The following MIA2 variants were observed in gnomAD, a reference collection of about 807,000 sequenced individuals.
The protein encoded by MIA2 is MIA SH3 domain ER export factor 2, also known as melanoma inhibitory activity protein 2.
In MIA2, 127 loss-of-function variants were observed where a neutral mutation model predicts 167.8. The ratio of observed to expected loss-of-function variants is 0.76; its 90% CI spans 0.66 to 0.88. MIA2 has a LOEUF of 0.88. MIA2 is among the 40% of genes least tolerant of loss of function. The pLI, the probability that MIA2 is intolerant of heterozygous loss-of-function variation, is 0.00. For synonymous variants in MIA2, 552 were observed against 541.9 expected, an observed-to-expected ratio of 1.02 and a Z score of -0.26; for missense variants, 1,690 against 1,624.7, an observed-to-expected ratio of 1.04 and a Z score of -0.69.
intron 21 of MIA2, among the ~76,000 whole-genome samples, chr14:39,316,424 CAT>C (rs2065455087): frequency 1.3e-5 from 2 of 152,172 alleles, no homozygotes; most frequent in African/African-American, 4.8e-5. Context: ...CATCACCTAT[CAT>C]CAGTTTTCTT....
At chr14:39,243,238 G>A (rs1221995273) in intron 3 of MIA2, among the ~76,000 whole-genome samples, 1 of 152,188 alleles carries the variant, frequency 6.6e-6, no homozygotes, top group African/African-American at 2.4e-5. Context: ...GAGCTCTGGA[G>A]CTGCAATGGC....
In MIA2 at chr14:39,238,811, A is replaced by AAAAAAAAAAAAAAAC; in HGVS notation, c.250-1750_250-1749insAAAAAAAAAAAAAAC. The stretch of plus-strand genomic sequence containing the variant: ...CCTGTCTCAAAAAAAAAAAAAAAAA[A>AAAAAAAAAAAAAAAC]CCCAAAAAACAAAAAAACCTAGCTG... On this transcript the variant is annotated intron_variant, in intron 2 of 28. Transcript: ENST00000640607. 3.1e-3 allele frequency among the ~76,000 whole-genome samples: 318 copies of AAAAAAAAAAAAAAAC among 103,562 alleles called. 21 individuals are homozygous for AAAAAAAAAAAAAAAC. Among genetic ancestry groups the AAAAAAAAAAAAAAAC allele is most frequent in the African/African-American group, 7.6e-3 (194 of 25,528 alleles). The allele number at this position is 103,562 out of a possible 152,430, so 67.9% of individuals were successfully genotyped here.
At chr14:39,347,688 T>C in intron 26 of MIA2, 25 bp from the exon 27 acceptor site, 2 of 1,609,330 alleles carry the variant, frequency 1.2e-6, no homozygotes, top group South Asian at 1.1e-5. Context: ...TCATGTACTT[T>C]TCATGGTTTA....
At chr14:39,239,460 C>G in intron 2 of MIA2, among the ~76,000 whole-genome samples, 1 of 152,050 alleles carries the variant, frequency 6.6e-6, no homozygotes, top group Non-Finnish European at 1.5e-5. Context: ...GAGGCAGAGG[C>G]AGGAGGACAG....
chr14:39,262,923 G>A (rs915669504), intron 6 of MIA2, among the ~76,000 whole-genome samples: 16 of 151,638 alleles, frequency 1.1e-4, no homozygotes, highest in East Asian at 1.9e-4. Context: ...GGGCTGAGAT[G>A]ATGGGGTTTT....
In MIA2 at chr14:39,276,921, C is replaced by T. The variant is rs2058082204; in HGVS notation, c.1888-13C>T. 1 of 1,604,838 alleles carries T rather than the reference C, an allele frequency of 6.2e-7. No homozygotes were observed. Among genetic ancestry groups the T allele is most frequent in the Admixed American group, 1.8e-5 (1 of 56,732 alleles). On this transcript the variant is annotated splice_polypyrimidine_tract_variant and intron_variant, in intron 6 of 28. Transcript: ENST00000640607. Reference sequence around the variant, plus strand: ...AGTACATTTTTAAGAACTTACTTTTCTTTATCTTGAAGGTTGTGGCAGCAC... The same window carrying T: ...AGTACATTTTTAAGAACTTACTTTTTTTTATCTTGAAGGTTGTGGCAGCAC...
chr14:39,248,078 A>C lies in MIA2; in HGVS notation c.1504A>C (p.Ile502Leu). 6.4e-7 allele frequency: 1 copy of C among 1,565,112 alleles called. No individual in the cohort carries two copies. Among genetic ancestry groups the C allele is most frequent in the Non-Finnish European group, 8.6e-7 (1 of 1,162,996 alleles). ...IENEETGEFSIDNYPTDNTKV... is the reference protein window; with the variant it reads ...IENEETGEFSLDNYPTDNTKV... Reference sequence around the variant, plus strand: ...AAATGAAGAAACTGGAGAATTTTCCATTGATAATTATCCCACAGATAATAC... The same window carrying C: ...AAATGAAGAAACTGGAGAATTTTCCCTTGATAATTATCCCACAGATAATAC... Residue 502 changes from isoleucine (I) to leucine (L), a missense_variant, in exon 4 of 29, where the codon ATT becomes CTT. By Grantham distance (5) the Ile-to-Leu change is conservative. Transcript: ENST00000640607.
intron 6 of MIA2, among the ~76,000 whole-genome samples, chr14:39,257,253 A>G (rs560087631): frequency 2.6e-5 from 4 of 152,218 alleles, no homozygotes; most frequent in African/African-American, 4.8e-5. Context: ...AACTTGCTTT[A>G]TGAATCTGAG....
chr14:39,379,426 A>G (rs1273696015), intron 23 of MIA2, among the ~76,000 whole-genome samples: 1 of 152,212 alleles, frequency 6.6e-6, no homozygotes, highest in East Asian at 1.9e-4. Context: ...AAAACCTTAA[A>G]TCACCTTAAA....
At chr14:39,386,938 G>T in exon 24 of MIA2, 1 of 773,362 alleles carries the variant, frequency 1.3e-6, no homozygotes. Context: ...GGGCCTAGGA[G>T]GGCCCCAGAA....
chr14:39,316,241 G>C (rs1389321850), intron 21 of MIA2, among the ~76,000 whole-genome samples: 1 of 152,234 alleles, frequency 6.6e-6, no homozygotes, highest in Non-Finnish European at 1.5e-5. Context: ...GTGAGGAAGT[G>C]ATGAGGATGC....
At chr14:39,243,278 G>C (rs1687666547) in intron 3 of MIA2, among the ~76,000 whole-genome samples, 1 of 152,092 alleles carries the variant, frequency 6.6e-6, no homozygotes, top group African/African-American at 2.4e-5. Flanking sequence ...TAGAGAGAGA[G>C]GCAAGACGAT....
chr14:39,385,677 A>G, intron 23 of MIA2: 1 of 974,316 alleles, frequency 1.0e-6, no homozygotes, highest in East Asian at 2.4e-5. Flanking sequence ...TCTTTTCTTC[A>G]ACTTGAGGGG....
chr14:39,239,999 CTG>C (rs2152609183), intron 2 of MIA2, among the ~76,000 whole-genome samples: 1 of 152,302 alleles, frequency 6.6e-6, no homozygotes, highest in East Asian at 1.9e-4. Context: ...CACAATCTGC[CTG>C]TGCTTGAACT....
intron 23 of MIA2, among the ~76,000 whole-genome samples, chr14:39,378,028 C>G (rs933707440): frequency 6.6e-6 from 1 of 152,120 alleles, no homozygotes; most frequent in Non-Finnish European, 1.5e-5. Flanking sequence ...TCCAGTTATG[C>G]ACTTGTATAA....
intron 2 of MIA2, chr14:39,237,275 G>C: frequency 3.7e-6 from 2 of 544,458 alleles, no homozygotes; most frequent in Non-Finnish European, 6.6e-6. Flanking sequence ...CTACAGGTGT[G>C]TGTCACCACG....
chr14:39,334,572 CT>C (rs11305922), intron 25 of MIA2, among the ~76,000 whole-genome samples: 145,695 of 148,110 alleles, frequency 0.98, 71,665 homozygotes, highest in East Asian at 1. Flanking sequence ...GGGACTTAGG[CT>C]TTTTTTTTTT....
chr14:39,381,022 CA>C (rs59734735), intron 23 of MIA2, among the ~76,000 whole-genome samples: 204 of 109,660 alleles, frequency 1.9e-3, no homozygotes, highest in African/African-American at 3.5e-3. Context: ...GTAAAAAAAA[CA>C]AAAAAAAAAA....
intron 3 of MIA2, among the ~76,000 whole-genome samples, chr14:39,244,996 A>G (rs1427422320): frequency 6.6e-6 from 1 of 151,218 alleles, no homozygotes; most frequent in African/African-American, 2.4e-5. Context: ...CAGGCTGGGT[A>G]TAAACTCCTG....
Sources: gnomAD v4.1 joint callset for allele counts (sites outside exome capture counted in the v4.1 genomes callset) on GRCh38, gnomAD v4.1.1 for gene constraint, MANE v1.5 for transcripts, NCBI Gene and HGNC (gene_info 2026-07-23, HGNC 2026-07-21) for gene names.